LRRN3: variants seen among roughly 807,000 people sequenced by gnomAD.
LRRN3 encodes leucine-rich repeat neuronal protein 3.
A neutral mutation model predicts 40.1 loss-of-function variants in LRRN3; 15 were observed. The ratio of observed to expected loss-of-function variants is 0.37; its 90% confidence interval spans 0.25 to 0.58. The LOEUF (loss-of-function observed/expected upper bound fraction) is 0.58. Among genes scored for constraint, LRRN3 ranks in the 20% least tolerant of loss-of-function variants. The probability of loss-of-function intolerance (pLI) is 0.72; values close to 1 mark genes in which losing one functional copy is unlikely to be tolerated. For missense variants in LRRN3, 746 were observed against 837.7 expected (o/e 0.89, Z 1.35); for synonymous variants, 308 against 297.2 (o/e 1.04, Z -0.37).
intron 1 of LRRN3, among the ~76,000 whole-genome samples, chr7:111,096,554 G>A (rs1797421648): frequency 6.7e-6 from 1 of 149,872 alleles, no homozygotes; most frequent in East Asian, 2.0e-4. Flanking sequence ...ATCTATTCTT[G>A]GAGAAAAAGA....
At chr7:111,106,683 T>C (rs1024468107) in intron 2 of LRRN3, among the ~76,000 whole-genome samples, 2 of 147,236 alleles carry the variant, frequency 1.4e-5, no homozygotes, top group Non-Finnish European at 3.0e-5. Flanking sequence ...AGTCTCGGTG[T>C]GTGAAAATAC....
At chr7:111,102,460 T>C (rs1033999358) in intron 2 of LRRN3, among the ~76,000 whole-genome samples, 46 of 151,600 alleles carry the variant, frequency 3.0e-4, no homozygotes, top group African/African-American at 1.1e-3. Context: ...TCTCTTTAGA[T>C]TGTCATTTTA....
At chr7:111,115,614 G>A (rs1307282525) in intron 2 of LRRN3, among the ~76,000 whole-genome samples, 4 of 151,748 alleles carry the variant, frequency 2.6e-5, no homozygotes, top group African/African-American at 7.3e-5. Flanking sequence ...CAAATTGGAC[G>A]TATTAGGGTG....
intron 2 of LRRN3, among the ~76,000 whole-genome samples, chr7:111,113,120 T>C (rs888100073): frequency 1.3e-5 from 2 of 152,270 alleles, no homozygotes; most frequent in African/African-American, 4.8e-5. Context: ...CCCTCCAAAA[T>C]ATAATTTTAA....
intron 2 of LRRN3, among the ~76,000 whole-genome samples, chr7:111,106,840 C>T (rs1265352209): frequency 6.6e-6 from 1 of 150,932 alleles, no homozygotes; most frequent in Admixed American, 6.6e-5. Flanking sequence ...TTCCACTGTT[C>T]TCAATTTAAA....
At chr7:111,108,331 T>C (rs970506718) in intron 2 of LRRN3, among the ~76,000 whole-genome samples, 1 of 152,178 alleles carries the variant, frequency 6.6e-6, no homozygotes, top group Non-Finnish European at 1.5e-5. Context: ...ATTCTGAAAG[T>C]CTGTGGCACT....
chr7:111,094,320 T>C (rs1797178853), intron 1 of LRRN3, among the ~76,000 whole-genome samples: 1 of 152,086 alleles, frequency 6.6e-6, no homozygotes, highest in Admixed American at 6.6e-5. Flanking sequence ...GAGGTATCTG[T>C]TGGTGAATCT....
In LRRN3 at chr7:111,124,716, C is replaced by T; in HGVS notation, c.1944C>T (p.Cys648=). 1 of 1,613,868 alleles carries T rather than the reference C, an allele frequency of 6.2e-7. No homozygotes were observed. Among genetic ancestry groups the T allele is most frequent in the South Asian group, 1.1e-5 (1 of 91,068 alleles). The change falls in exon 3 of 3, where the codon TGC becomes TGT. Residue 648 remains cysteine (C), a synonymous_variant. Transcript: ENST00000308478. ...TTGGTGTGATATGTCTTATCAGCTG[C>T]CTCTCTCCAGAAATGAACTGTGATG... ...GIIGVICLIS[C]LSPEMNCDGG... is the part of the protein sequence containing the mutation.
At chr7:111,111,758 T>G (rs1799234166) in intron 2 of LRRN3, among the ~76,000 whole-genome samples, 1 of 151,860 alleles carries the variant, frequency 6.6e-6, no homozygotes, top group African/African-American at 2.4e-5. Flanking sequence ...CATAATTAGC[T>G]TCAAGTAAAG....
At position 111,122,931 on chromosome 7, in the gene LRRN3, G is replaced by A. The variant is rs970727762; in HGVS notation, c.159G>A (p.Val53=). 4 of 1,613,984 alleles carry A rather than the reference G, an allele frequency of 2.5e-6. No individual in the cohort carries two copies. The highest frequency in any genetic ancestry group is 3.4e-6 in the Non-Finnish European group (4 of 1,179,942). The change falls in exon 3 of 3, where the codon GTG becomes GTA. Residue 53 remains valine, a synonymous_variant. Transcript: ENST00000308478. The part of the protein sequence containing the change: ...PRSIYMEAST[V]DCNDLGLLTF... ...CCATTTATATGGAAGCATCTACAGTGGATTGTAATGATTTAGGTCTTTTAA... is the reference window on the plus strand; with the variant it reads ...CCATTTATATGGAAGCATCTACAGTAGATTGTAATGATTTAGGTCTTTTAA...
intron 2 of LRRN3, among the ~76,000 whole-genome samples, chr7:111,111,929 A>ATATATATAGTTTTT (rs1350937328): frequency 7.0e-6 from 1 of 143,820 alleles, no homozygotes; most frequent in Non-Finnish European, 1.5e-5. Context: ...ATTTATATAT[A>ATATATATAGTTTTT]TATATATAGT....
chr7:111,092,171 C>G (rs1455451326), intron 1 of LRRN3, among the ~76,000 whole-genome samples: 3 of 152,176 alleles, frequency 2.0e-5, no homozygotes, highest in Admixed American at 1.3e-4. Flanking sequence ...TTAATAACAT[C>G]CCCTCGCTGG....
chr7:111,123,863 G>A lies in LRRN3; in HGVS notation c.1091G>A (p.Ser364Asn). The A allele has an allele frequency of 1.2e-6, 2 of 1,613,956 alleles. No homozygotes were observed. The highest frequency in any genetic ancestry group is 1.7e-6 in the Non-Finnish European group (2 of 1,179,990). ...IESLPNLKEI[S>N]IHSNPIRCDC... Reference sequence around the variant, plus strand: ...TCTCTGCCAAACCTCAAGGAAATCAGCATACACAGTAACCCCATCAGGTGT... The same window carrying A: ...TCTCTGCCAAACCTCAAGGAAATCAACATACACAGTAACCCCATCAGGTGT... Residue 364 changes from serine to asparagine, a missense_variant, in exon 3 of 3, where the codon AGC becomes AAC. Physicochemically the swap from Ser to Asn is conservative, Grantham distance 46. Transcript: ENST00000308478. This position sits in a 1 kb window ranked among gnomAD's most constrained non-coding sequence, Gnocchi z 6.4.
At chr7:111,094,258 T>C (rs990816674) in intron 1 of LRRN3, among the ~76,000 whole-genome samples, 6 of 152,212 alleles carry the variant, frequency 3.9e-5, no homozygotes, top group African/African-American at 1.4e-4. Context: ...AAAACACTTA[T>C]GTAAGTTAAA....
chr7:111,113,183 A>G (rs1799446600), intron 2 of LRRN3, among the ~76,000 whole-genome samples: 1 of 152,174 alleles, frequency 6.6e-6, no homozygotes, highest in Non-Finnish European at 1.5e-5. Context: ...TATCTATACT[A>G]GGTCATTGGA....
In LRRN3 at chr7:111,123,247, G is replaced by A; in HGVS notation, c.475G>A (p.Ala159Thr). The change falls in exon 3 of 3, where the codon GCC becomes ACC. Residue 159 changes from alanine to threonine, a missense_variant. Coordinates refer to ENST00000308478, the MANE Select transcript of LRRN3 (RefSeq NM_001099658.2). The surrounding 1 kb of genome is among the most constrained non-coding windows in gnomAD (Gnocchi z 6.4). ...CTTGCTTTCTACAATTTCACCTGGA[G>A]CCTTTATTGGCCTACATAATCTTCT... is the stretch of plus-strand genomic sequence containing the variant. ...HNLLSTISPG[A>T]FIGLHNLLRL... The A allele has an allele frequency of 6.2e-7, 1 of 1,613,828 alleles. No individual in the cohort carries two copies. Among genetic ancestry groups the A allele is most frequent in the Non-Finnish European group, 8.5e-7 (1 of 1,179,912 alleles).
intron 2 of LRRN3, among the ~76,000 whole-genome samples, chr7:111,101,591 T>C (rs1192955611): frequency 6.6e-6 from 1 of 151,468 alleles, no homozygotes; most frequent in African/African-American, 2.4e-5. Context: ...ATACAGAATA[T>C]ACATAGGTAC....
intron 1 of LRRN3, among the ~76,000 whole-genome samples, chr7:111,097,615 A>G (rs1797540408): frequency 6.6e-6 from 1 of 151,928 alleles, no homozygotes; most frequent in Non-Finnish European, 1.5e-5. Context: ...AAAAATAGAC[A>G]TGTATTTTTC....
intron 2 of LRRN3, among the ~76,000 whole-genome samples, chr7:111,111,965 T>TTTTTG (rs1799280256): frequency 7.3e-6 from 1 of 137,262 alleles, no homozygotes. Flanking sequence ...TTTTTTTTTT[T>TTTTTG]GAGATGGAGT....
Sources: allele counts gnomAD v4.1 joint callset (sites outside exome capture counted in the v4.1 genomes callset), GRCh38; gene constraint gnomAD v4.1.1; non-coding constraint Gnocchi (gnomAD v3.1); transcripts MANE v1.5; gene names NCBI Gene and HGNC (gene_info 2026-07-23, HGNC 2026-07-21).